Variants in PDIA4 observed in about 807,000 individuals in gnomAD.
PDIA4 encodes protein disulfide-isomerase A4.
PDIA4 carries 33 observed loss-of-function variants against 62.1 expected under a neutral mutation model. The observed-to-expected ratio is 0.53, with a 90% CI of 0.40 to 0.71. PDIA4 has a LOEUF of 0.71. Ranked by LOEUF, PDIA4 falls within the 30% of genes least tolerant of loss-of-function variation. The pLI, the probability that PDIA4 is intolerant of heterozygous loss-of-function variation, is 0.00. For synonymous variants in PDIA4, 341 were observed against 324.1 expected (o/e 1.05, Z -0.56); for missense variants, 804 against 813.6 (o/e 0.99, Z 0.14).
chr7:149,012,044 C>A, intron 5 of PDIA4, 40 bp from the exon 6 acceptor site: 1 of 1,598,394 alleles, frequency 6.3e-7, no homozygotes, highest in Non-Finnish European at 8.5e-7. Flanking sequence ...GCACTAAGAA[C>A]TGCCCACTTC....
intron 1 of PDIA4, among the ~76,000 whole-genome samples, chr7:149,023,790 G>T (rs1476399208): frequency 1.3e-5 from 2 of 152,084 alleles, no homozygotes; most frequent in Non-Finnish European, 2.9e-5. Context: ...TCCTTTACAG[G>T]GTGAATTTTA....
At chr7:149,016,670 T>C (rs1422343958) in intron 3 of PDIA4, among the ~76,000 whole-genome samples, 1 of 152,030 alleles carries the variant, frequency 6.6e-6, no homozygotes, top group Admixed American at 6.6e-5. Context: ...TGCCACCACA[T>C]CCAGCTAATT....
intron 1 of PDIA4, among the ~76,000 whole-genome samples, chr7:149,022,203 C>A (rs990778014): frequency 1.3e-5 from 2 of 152,050 alleles, no homozygotes; most frequent in African/African-American, 4.8e-5. Context: ...GAGGAAAAGG[C>A]TCAAGTGTGA....
Position 149,003,696 on chromosome 7 carries a change from C to A in PDIA4, c.*98G>T. On this transcript the variant is annotated 3_prime_UTR_variant, in exon 10 of 10. Coordinates refer to ENST00000652332, the MANE Select transcript of PDIA4 (RefSeq NM_004911.5). The stretch of plus-strand genomic sequence containing the variant: ...AATTAAAAAAAAAAAAAAAGGAATC[C>A]GAGATACTGTCGTTTGTTGCCGGCC... 1.2e-6 allele frequency: 1 copy of A among 821,640 alleles called. No homozygotes were observed. Among genetic ancestry groups the A allele is most frequent in the Non-Finnish European group, 1.8e-6 (1 of 560,690 alleles). The allele number at this position is 821,640 out of a possible 1,614,324, so 50.9% of individuals were successfully genotyped here.
chr7:149,012,864 G>A (rs1424356171), intron 4 of PDIA4, among the ~76,000 whole-genome samples: 4 of 152,132 alleles, frequency 2.6e-5, no homozygotes, highest in African/African-American at 9.7e-5. Flanking sequence ...GAGAACAGAA[G>A]AGCGTCACAA....
intron 1 of PDIA4, among the ~76,000 whole-genome samples, chr7:149,026,627 G>C (rs1250969753): frequency 6.6e-6 from 1 of 151,854 alleles, no homozygotes; most frequent in Non-Finnish European, 1.5e-5. Flanking sequence ...CTCCAGCCTG[G>C]GCGACAGAGC....
intron 3 of PDIA4, 108 bp from the exon 4 acceptor site, chr7:149,015,150 C>T (rs1824084448): frequency 3.5e-6 from 4 of 1,138,194 alleles, no homozygotes; most frequent in Non-Finnish European, 5.0e-6. Flanking sequence ...TCGGGGCCCA[C>T]AAGAACAGGA....
rs531895919 is a variant in PDIA4 at position 149,028,391 on chromosome 7, G to T, written c.18C>A (p.Ala6=). The change falls in exon 1 of 10, where the codon GCC becomes GCA. Residue 6 remains alanine (A), a synonymous_variant. Coordinates refer to ENST00000652332, the MANE Select transcript of PDIA4 (RefSeq NM_004911.5). The part of the protein sequence containing the change: MRPRK[A]FLLLLLLGLV... ...GCCCCAAGAGCAGCAGGAGCAGGAA[G>T]GCTTTCCGGGGCCTCATGGTAGCGG... 6.6e-7 allele frequency: 1 copy of T among 1,520,470 alleles called. No individual in the cohort carries two copies. The highest frequency in any genetic ancestry group is 1.4e-5 in the African/African-American group (1 of 69,380). 94.2% of individuals were successfully genotyped at this position (1,520,470 alleles called of 1,614,324 possible). A position where few individuals can be genotyped will look rare whatever the true frequency, so the allele number is the denominator to read the frequency against.
intron 4 of PDIA4, 22 bp from the exon 5 acceptor site, chr7:149,012,382 G>A: frequency 6.3e-7 from 1 of 1,597,888 alleles, no homozygotes; most frequent in African/African-American, 1.3e-5. Context: ...AAACTGGTTT[G>A]TCAGGGGCTC....
chr7:149,023,669 C>A (rs1472422382), intron 1 of PDIA4, among the ~76,000 whole-genome samples: 1 of 152,114 alleles, frequency 6.6e-6, no homozygotes, highest in Non-Finnish European at 1.5e-5. Context: ...TTAATCAACT[C>A]TTCCAGGTAG....
intron 7 of PDIA4, among the ~76,000 whole-genome samples, 185 bp downstream of exon 7, chr7:149,007,974 G>A (rs1823818774): frequency 1.3e-5 from 2 of 152,258 alleles, no homozygotes; most frequent in South Asian, 2.1e-4. Context: ...CTGTCCCTCC[G>A]GCAAAGAGAG....
chr7:149,008,224 C>A lies in PDIA4; in HGVS notation c.1066G>T (p.Val356Phe), dbSNP rs1563119749. 1.9e-6 allele frequency: 3 copies of A among 1,614,138 alleles called. No homozygotes were observed. The highest frequency in any genetic ancestry group is 2.5e-6 in the Non-Finnish European group (3 of 1,180,014). Reference sequence around the variant, plus strand: ...TGGAATTTCTCAGGCTGCATTACAACCAACTGCCCCTGGGAGACTTTCAAG... The same window carrying A: ...TGGAATTTCTCAGGCTGCATTACAAACAACTGCCCCTGGGAGACTTTCAAG... ...KFLKVSQGQLVVMQPEKFQSK... is the reference protein window; with the variant it reads ...KFLKVSQGQLFVMQPEKFQSK... Residue 356 changes from valine (V) to phenylalanine (F), a missense_variant, in exon 7 of 10, where the codon GTT becomes TTT. Coordinates refer to ENST00000652332, the MANE Select transcript of PDIA4 (RefSeq NM_004911.5).
Position 149,012,146 on chromosome 7 carries a change from T to C in PDIA4, c.820+9A>G, listed in dbSNP as rs747414354. 5.6e-6 allele frequency: 9 copies of C among 1,613,496 alleles called. No individual in the cohort carries two copies. The highest frequency in any genetic ancestry group is 1.3e-5 in the African/African-American group (1 of 74,920). ...CCCACTGTAGTGGGAGAGAAGGGAG[T>C]GGCCATACCATATTTTTCTCGTGGG... is the stretch of plus-strand genomic sequence containing the variant. On this transcript the variant is annotated intron_variant, in intron 5 of 9. Transcript: ENST00000652332.
At chr7:149,026,732 G>C (rs567909475) in intron 1 of PDIA4, among the ~76,000 whole-genome samples, 1 of 149,246 alleles carries the variant, frequency 6.7e-6, no homozygotes, top group Non-Finnish European at 1.5e-5. Flanking sequence ...CCAGGAGTTT[G>C]AGGCTTAAGT....
intron 4 of PDIA4, 25 bp downstream of exon 4, chr7:149,014,879 T>C: frequency 6.2e-7 from 1 of 1,612,558 alleles, no homozygotes; most frequent in Non-Finnish European, 8.5e-7. Flanking sequence ...GTACTGAATA[T>C]GGAAAGGGCC....
In PDIA4 at chr7:149,005,926, CTG is replaced by C; in HGVS notation, c.1257_1258del (p.Tyr419Ter). 1 of 1,530,970 alleles carries C rather than the reference CTG, an allele frequency of 6.5e-7. No individual in the cohort carries two copies. Among genetic ancestry groups the C allele is most frequent in the South Asian group, 1.3e-5 (1 of 77,012 alleles). The allele number at this position is 1,530,970 out of a possible 1,614,324, so 94.8% of individuals were successfully genotyped here. On this transcript the variant is annotated stop_gained and frameshift_variant, in exon 8 of 10. Transcript: ENST00000652332. LOFTEE classifies it high-confidence loss of function. ...TCTGTAATCAAAGCTGAAGTCCACACTGTAGTAGACGACCACCAGGGGGCGCC... is the reference window on the plus strand; with the variant it reads ...TCTGTAATCAAAGCTGAAGTCCACACTAGTAGACGACCACCAGGGGGCGCC...
rs767139596 is a variant in PDIA4, at chr7:149,003,880, C to T, written c.1852G>A (p.Glu618Lys). Residue 618 changes from glutamate (E) to lysine (K), a missense_variant, in exon 10 of 10, where the codon GAG (glutamate) becomes AAG (lysine). Physicochemically the swap from Glu to Lys is moderately conservative, Grantham distance 56. Transcript: ENST00000652332. ...TGCTCCAGATCTCTGTCTCCACCCT[C>T]AAATTTAACTGGGTTCTTTTTGTCC... ...SGDKKNPVKFEGGDRDLEHLS... is the reference protein window; with the variant it reads ...SGDKKNPVKFKGGDRDLEHLS... The T allele has an allele frequency of 3.1e-6, 5 of 1,613,188 alleles. No homozygotes were observed. In the South Asian group the frequency reaches 3.3e-5, roughly 11 times the overall value.
rs1375109394 is a variant in PDIA4 at position 149,025,014 on chromosome 7, C to T, written c.88+3307G>A. Among the ~76,000 whole-genome samples the T allele has an allele frequency of 2.1e-5, 3 of 139,848 alleles. No individual in the cohort carries two copies. In the Admixed American group the frequency reaches 2.4e-4, roughly 11 times the overall value. The allele number at this position is 139,848 out of a possible 152,430, so 91.7% of individuals were successfully genotyped here. ...TGACACATGCCTGTAATCCCAGCTA[C>T]TCGAGAGATGACGCCATTGCACTCC... On this transcript the variant is annotated intron_variant, in intron 1 of 9. Transcript: ENST00000652332.
chr7:149,004,767 G>A (rs532357679), intron 9 of PDIA4, among the ~76,000 whole-genome samples: 94 of 152,324 alleles, frequency 6.2e-4, no homozygotes, highest in African/African-American at 2.0e-3. Flanking sequence ...TGCACACCCC[G>A]GCCCTAGTCT....
Sources: allele counts gnomAD v4.1 joint callset (sites outside exome capture counted in the v4.1 genomes callset), GRCh38; gene constraint gnomAD v4.1.1; transcripts MANE v1.5; gene names NCBI Gene and HGNC (gene_info 2026-07-23, HGNC 2026-07-21).